The following RYR1 variants were observed in gnomAD, a reference collection of about 807,000 sequenced individuals.
The protein encoded by RYR1 is ryanodine receptor 1, also known as central core disease of muscle.
A neutral mutation model predicts 583.5 loss-of-function variants in RYR1; 342 were observed. That is an observed-to-expected ratio of 0.59 (90% CI 0.54 to 0.64). RYR1 has a LOEUF of 0.64. Among genes scored for constraint, RYR1 ranks in the 30% least tolerant of loss-of-function variants. The pLI is 0.00. For missense variants in RYR1, 6,032 were observed against 6,917.2 expected, an observed-to-expected ratio of 0.87 and a Z score of 4.54; for synonymous variants, 2,791 against 2,822.5, an observed-to-expected ratio of 0.99 and a Z score of 0.35.
intron 78 of RYR1, among the ~76,000 whole-genome samples, chr19:38,534,516 T>C (rs1187593226): frequency 2.0e-5 from 3 of 152,232 alleles, no homozygotes; most frequent in Non-Finnish European, 4.4e-5. Flanking sequence ...CTCTGATTTA[T>C]GTAGATCTTG....
chr19:38,496,466 C>T lies in RYR1; in HGVS notation c.6721C>T (p.Arg2241Ter), dbSNP rs200563280. ...CTGCCGCTTCCTCTGCTATTTCTGC[C>T]GAATCAGCCGGCAGAACCAGCGCTC... ...SCCRFLCYFC[R>*]ISRQNQRSMF... is the part of the protein sequence containing the mutation. Residue 2241 changes from arginine to a stop codon, truncating the protein, a stop_gained, in exon 41 of 106, where the codon CGA becomes TGA. Transcript: ENST00000359596. LOFTEE classifies it high-confidence loss of function. This position sits in a 1 kb window ranked among gnomAD's most constrained non-coding sequence, Gnocchi z 4.8. The T allele has an allele frequency of 1.6e-4, 260 of 1,613,720 alleles. No homozygotes were observed. Among genetic ancestry groups the T allele is most frequent in the Non-Finnish European group, 1.6e-4 (184 of 1,180,012 alleles).
rs2145688996 is a variant in RYR1, at chr19:38,519,324, G to A, written c.10129G>A (p.Glu3377Lys). Reference sequence around the variant, plus strand: ...GGCAGGGAAGGTGGTGTCCGAGGAGGAGCAGCTGCGCCTGGAGGCCAAGGC... The same window carrying A: ...GGCAGGGAAGGTGGTGTCCGAGGAGAAGCAGCTGCGCCTGGAGGCCAAGGC... Reference protein sequence around the residue: ...KRAGKVVSEEEQLRLEAKAEA... With the variant: ...KRAGKVVSEEKQLRLEAKAEA... Residue 3377 changes from glutamate (E) to lysine (K), a missense_variant, in exon 67 of 106, where the codon GAG becomes AAG. Glu to Lys is a moderately conservative substitution (Grantham distance 56). Around this residue, in one of 11 missense-constraint regions of RYR1, gnomAD observed 1,493 missense variants for 1,715.5 expected, o/e 0.87. Coordinates refer to ENST00000359596, the MANE Select transcript of RYR1 (RefSeq NM_000540.3). The A allele has an allele frequency of 6.2e-7, 1 of 1,613,722 alleles. No individual in the cohort carries two copies. Among genetic ancestry groups the A allele is most frequent in the Non-Finnish European group, 8.5e-7 (1 of 1,179,806 alleles).
chr19:38,476,544 G>A (rs1048871741), intron 29 of RYR1, among the ~76,000 whole-genome samples: 4 of 152,072 alleles, frequency 2.6e-5, no homozygotes, highest in African/African-American at 7.2e-5. Context: ...TGTTGGCCAG[G>A]TTGGTCTCAA....
At position 38,587,351 on chromosome 19, in the gene RYR1, A is replaced by G. The variant is rs755532418; in HGVS notation, c.15048A>G (p.Gln5016=). The stretch of plus-strand genomic sequence containing the variant: ...AGTCTTATGTCTGGAAGATGTACCA[A>G]GAGAGATGTTGGGATTTCTTCCCAG... ...GQESYVWKMY[Q]ERCWDFFPAG... Residue 5016 remains glutamine, a synonymous_variant, in exon 106 of 106, where the codon CAA becomes CAG. Transcript: ENST00000359596. 1.9e-6 allele frequency: 3 copies of G among 1,614,014 alleles called. No individual in the cohort carries two copies. In the South Asian group the frequency reaches 3.3e-5, roughly 18 times the overall value.
intron 34 of RYR1, 49 bp downstream of exon 34, chr19:38,486,251 C>T (rs1484025292): frequency 6.2e-7 from 1 of 1,611,420 alleles, no homozygotes; most frequent in African/African-American, 1.3e-5. Context: ...TCCCACATTC[C>T]CAAAACTCCA....
chr19:38,586,228 G>C (rs756629195), intron 104 of RYR1, 37 bp downstream of exon 104: 3 of 1,583,280 alleles, frequency 1.9e-6, no homozygotes, highest in Non-Finnish European at 8.7e-7. Context: ...AGGGTGGGGG[G>C]CATGGCTGCC....
chr19:38,571,618 CAA>C (rs1599648174), intron 94 of RYR1, among the ~76,000 whole-genome samples: 1 of 152,100 alleles, frequency 6.6e-6, no homozygotes, highest in Non-Finnish European at 1.5e-5. Flanking sequence ...GCCTAGGTGA[CAA>C]GAGTGAAACT....
intron 60 of RYR1, among the ~76,000 whole-genome samples, chr19:38,511,345 C>T (rs932091591): frequency 3.3e-5 from 5 of 151,962 alleles, no homozygotes; most frequent in African/African-American, 4.8e-5. Flanking sequence ...TCACCCCTCA[C>T]CTCCCCAGCA....
Position 38,512,182 on chromosome 19 carries a change from C to G in RYR1, c.9233+50C>G. 4 of 1,614,000 alleles carry G rather than the reference C, an allele frequency of 2.5e-6. No individual in the cohort carries two copies. The highest frequency in any genetic ancestry group is 1.3e-5 in the African/African-American group (1 of 75,044). On this transcript the variant is annotated intron_variant, in intron 62 of 105. Transcript: ENST00000359596. The surrounding 1 kb of genome is among the most constrained non-coding windows in gnomAD (Gnocchi z 5.1). ...ACTCCCACCATCATCGGGCCCCCACCCCAACCCCTGGTCTCCTAGACTCTC... is the reference window on the plus strand; with the variant it reads ...ACTCCCACCATCATCGGGCCCCCACGCCAACCCCTGGTCTCCTAGACTCTC...
chr19:38,497,077 A>G, intron 42 of RYR1, 123 bp downstream of exon 42: 1 of 778,784 alleles, frequency 1.3e-6, no homozygotes, highest in East Asian at 2.7e-5. Context: ...CCAGTGCCCA[A>G]CCAGAAGGAG....
rs751310164 is a variant in RYR1, at chr19:38,457,607, A to G, written c.1902A>G (p.Thr634=). ...LLPGRELLLQ[T]NLINYVTSIR... Reference sequence around the variant, plus strand: ...CTGGCCGTGAGCTTCTGCTGCAGACAAACCTCATCAACTATGTCACCAGGT... The same window carrying G: ...CTGGCCGTGAGCTTCTGCTGCAGACGAACCTCATCAACTATGTCACCAGGT... Residue 634 remains threonine, a synonymous_variant, in exon 17 of 106, where the codon ACA becomes ACG. Transcript: ENST00000359596. 3.3e-5 allele frequency: 54 copies of G among 1,613,988 alleles called. No homozygotes were observed. The highest frequency in any genetic ancestry group is 4.2e-5 in the Non-Finnish European group (49 of 1,180,026).
At chr19:38,466,447 C>G (rs925140736) in intron 24 of RYR1, 49 bp downstream of exon 24, 11 of 1,511,268 alleles carry the variant, frequency 7.3e-6, no homozygotes, top group Non-Finnish European at 9.8e-6. Flanking sequence ...CCAACTCTGA[C>G]CCCAGCCCCG....
intron 30 of RYR1, among the ~76,000 whole-genome samples, chr19:38,478,232 C>T (rs955928548): frequency 1.1e-4 from 16 of 152,074 alleles, no homozygotes; most frequent in African/African-American, 3.9e-4. Flanking sequence ...CATCCTGACT[C>T]CCCACTGCGC....
intron 78 of RYR1, among the ~76,000 whole-genome samples, chr19:38,534,170 C>A (rs1971863911): frequency 6.6e-6 from 1 of 151,922 alleles, no homozygotes; most frequent in Non-Finnish European, 1.5e-5. Context: ...TGCCACCACG[C>A]CTGGCTAATT....
chr19:38,539,806 C>T (rs1204748220), intron 84 of RYR1, among the ~76,000 whole-genome samples: 1 of 152,154 alleles, frequency 6.6e-6, no homozygotes, highest in Non-Finnish European at 1.5e-5. Context: ...TTGTCTCTCA[C>T]TTATTTGCAC....
chr19:38,440,438 C>G (rs1373663357), intron 1 of RYR1, among the ~76,000 whole-genome samples: 1 of 152,262 alleles, frequency 6.6e-6, no homozygotes, highest in East Asian at 1.9e-4. Context: ...ATTTGGGAGG[C>G]TGAGGCAGGA....
chr19:38,444,997 C>T lies in RYR1; in HGVS notation c.631+320C>T, dbSNP rs1003873211. Among the ~76,000 whole-genome samples, 4 of 152,044 alleles carry T rather than the reference C, an allele frequency of 2.6e-5. No homozygotes were observed. The highest frequency in any genetic ancestry group is 9.7e-5 in the African/African-American group (4 of 41,414). Reference sequence around the variant, plus strand: ...AAAGGCCGGGCATGGTGGCTCACGCCTGTAATCTCAGCACTTTGGGAGGCC... The same window carrying T: ...AAAGGCCGGGCATGGTGGCTCACGCTTGTAATCTCAGCACTTTGGGAGGCC... On this transcript the variant is annotated intron_variant, in intron 7 of 105. Coordinates refer to ENST00000359596, the MANE Select transcript of RYR1 (RefSeq NM_000540.3). This position sits in a 1 kb window ranked among gnomAD's most constrained non-coding sequence, Gnocchi z 5.1.
chr19:38,566,049 C>G (rs536486210), intron 91 of RYR1, among the ~76,000 whole-genome samples: 2 of 148,492 alleles, frequency 1.3e-5, no homozygotes, highest in African/African-American at 5.1e-5. Context: ...CAGGGCCGGA[C>G]AGAGTGCAGG....
chr19:38,451,759 C>T lies in RYR1; in HGVS notation c.1123-5C>T, dbSNP rs1400356174. The T allele has an allele frequency of 1.2e-6, 2 of 1,614,012 alleles. No homozygotes were observed. Among genetic ancestry groups the T allele is most frequent in the Non-Finnish European group, 1.7e-6 (2 of 1,180,020 alleles). On this transcript the variant is annotated splice_polypyrimidine_tract_variant and splice_region_variant and intron_variant, in intron 11 of 105. Transcript: ENST00000359596. ...CACTCCAGACCTCTGTCTCCCCACT[C>T]CTAGGCCATGCTGCACCAGGAGGGC...
Sources: gnomAD v4.1 joint callset for allele counts (sites outside exome capture counted in the v4.1 genomes callset) on GRCh38, gnomAD v4.1.1 for gene constraint, gnomAD v4.1.1 regional missense constraint, Gnocchi (gnomAD v3.1) non-coding constraint, MANE v1.5 for transcripts, NCBI Gene and HGNC (gene_info 2026-07-23, HGNC 2026-07-21) for gene names.